The following CPAP variants were observed in gnomAD, a reference collection of about 807,000 sequenced individuals.
CPAP encodes the protein centrosome assembly and centriole elongation protein, also known as centrosomal P4.1-associated protein.
At chr13:24,906,006 C>T in the CPAP span, 9 of 1,614,006 alleles carry the variant, frequency 5.6e-6, no homozygotes, top group Non-Finnish European at 7.6e-6. Context: ...CTCTTTTGGA[C>T]GGCTTTCCTG....
the CPAP span, among the ~76,000 whole-genome samples, chr13:24,896,107 C>T: frequency 4.6e-5 from 7 of 152,054 alleles, no homozygotes; most frequent in Admixed American, 3.3e-4. Context: ...AAGGTAAATA[C>T]GGGGAACTAT....
At chr13:24,908,194 T>A in the CPAP span, 3 of 1,071,906 alleles carry the variant, frequency 2.8e-6, no homozygotes, top group Non-Finnish European at 4.3e-6. Flanking sequence ...ATGAGAATTC[T>A]ACAAGTTACT....
the CPAP span, chr13:24,889,114 A>G: frequency 1.7e-6 from 1 of 582,268 alleles, no homozygotes. Context: ...AAAATAATTT[A>G]AAACCGAAGC....
At chr13:24,899,668 C>T in the CPAP span, 1 of 1,010,542 alleles carries the variant, frequency 9.9e-7, no homozygotes, top group Non-Finnish European at 1.5e-6. Context: ...CTAGTAACTG[C>T]TAGTCCTAGT....
chr13:24,892,933 A>G, the CPAP span: 1 of 1,126,014 alleles, frequency 8.9e-7, no homozygotes. Flanking sequence ...ACAATAGAAG[A>G]ATAGAGACCC....
chr13:24,916,736 T>G, the CPAP span, among the ~76,000 whole-genome samples: 1 of 152,220 alleles, frequency 6.6e-6, no homozygotes, highest in African/African-American at 2.4e-5. Flanking sequence ...TCTAGGCATT[T>G]TGTCCCACAG....
chr13:24,883,848 A>T, the CPAP span: 1 of 1,118,920 alleles, frequency 8.9e-7, no homozygotes, highest in African/African-American at 1.5e-5. Context: ...TTCAAACTGA[A>T]CCCCCTAATA....
At chr13:24,892,558 T>G in the CPAP span, 7 of 1,033,302 alleles carry the variant, frequency 6.8e-6, no homozygotes, top group Non-Finnish European at 7.6e-6. Flanking sequence ...GCAGCTCCCA[T>G]TCTACTTTCT....
At chr13:24,917,639 T>C in the CPAP span, among the ~76,000 whole-genome samples, 1 of 152,234 alleles carries the variant, frequency 6.6e-6, no homozygotes, top group Non-Finnish European at 1.5e-5. Context: ...ATCTGAATAG[T>C]TTATGAAAAC....
the CPAP span, chr13:24,889,268 T>C: frequency 1.6e-6 from 2 of 1,264,262 alleles, no homozygotes; most frequent in Non-Finnish European, 2.3e-6. Flanking sequence ...AAATTGTTTA[T>C]TCCTTACATT....
the CPAP span, among the ~76,000 whole-genome samples, chr13:24,891,548 C>G: frequency 6.6e-6 from 1 of 152,050 alleles, no homozygotes; most frequent in African/African-American, 2.4e-5. Context: ...TTCCTGACTC[C>G]TTCCTTGCTG....
At chr13:24,932,131 C>T in the CPAP span, among the ~76,000 whole-genome samples, 1,254 of 152,266 alleles carry the variant, frequency 8.2e-3, 9 homozygotes, top group Non-Finnish European at 0.014. Context: ...ACACTGAACC[C>T]GGACCCGCGA....
At chr13:24,902,210 A>C in the CPAP span, among the ~76,000 whole-genome samples, 1 of 146,488 alleles carries the variant, frequency 6.8e-6, no homozygotes, top group Non-Finnish European at 1.5e-5. Flanking sequence ...GCTTAGAACA[A>C]AGCAAAACCG....
chr13:24,892,736 T>C, the CPAP span: 1 of 1,614,152 alleles, frequency 6.2e-7, no homozygotes, highest in Admixed American at 1.7e-5. Context: ...TCACTTTTAT[T>C]TCTTCCCGGA....
the CPAP span, chr13:24,906,607 C>T: frequency 5.8e-5 from 94 of 1,614,200 alleles, 1 homozygote; most frequent in South Asian, 7.2e-4. Flanking sequence ...ATTTCTTCCC[C>T]GTCTGTATTT....
At chr13:24,898,212 A>T in the CPAP span, among the ~76,000 whole-genome samples, 1 of 152,134 alleles carries the variant, frequency 6.6e-6, no homozygotes, top group Non-Finnish European at 1.5e-5. Context: ...CTTATTTTTT[A>T]AAGGTGTCTT....
chr13:24,893,540 T>C, the CPAP span, among the ~76,000 whole-genome samples: 3 of 152,232 alleles, frequency 2.0e-5, no homozygotes, highest in African/African-American at 7.2e-5. Context: ...CACGGCAGCC[T>C]GGTGAGGATG....
chr13:24,885,810 T>TCGGAGA, the CPAP span: 1 of 682,972 alleles, frequency 1.5e-6, no homozygotes, highest in South Asian at 1.8e-5. Context: ...TATTTTTCTT[T>TCGGAGA]ACTAATTTGT....
At chr13:24,893,967 G>C in the CPAP span, among the ~76,000 whole-genome samples, 1 of 152,214 alleles carries the variant, frequency 6.6e-6, no homozygotes, top group East Asian at 1.9e-4. Context: ...GAGTGGCCAG[G>C]GCAGGTAAGG....
Sources: gnomAD v4.1 joint callset for allele counts (sites outside exome capture counted in the v4.1 genomes callset) on GRCh38, gnomAD v4.1.1 for gene constraint, MANE v1.5 for transcripts, NCBI Gene and HGNC (gene_info 2026-07-23, HGNC 2026-07-21) for gene names.